The following LAMA1 variants were observed in gnomAD, a reference collection of about 807,000 sequenced individuals.
LAMA1 encodes the protein laminin subunit alpha-1.
Under a neutral mutation model 348.7 loss-of-function variants are expected in LAMA1, and 219 were observed. That is an observed-to-expected ratio of 0.63 (90% CI 0.56 to 0.70). LAMA1 has a LOEUF of 0.70. Ranked by LOEUF, LAMA1 falls within the 30% of genes least tolerant of loss-of-function variation. The pLI, the probability that LAMA1 is intolerant of heterozygous loss-of-function variation, is 0.00. For synonymous variants in LAMA1, 1,487 were observed against 1,491.0 expected (o/e 1.00, Z 0.06); for missense variants, 3,744 against 3,888.0 (o/e 0.96, Z 0.99).
chr18:7,001,635 C>T (rs1157211547), intron 30 of LAMA1, among the ~76,000 whole-genome samples: 3 of 152,110 alleles, frequency 2.0e-5, no homozygotes, highest in African/African-American at 4.8e-5. Context: ...AACATTTGAT[C>T]TTTGTATGTT....
intron 34 of LAMA1, among the ~76,000 whole-genome samples, chr18:6,994,754 T>A (rs1273537277): frequency 1.3e-5 from 2 of 152,032 alleles, no homozygotes; most frequent in East Asian, 1.9e-4. Flanking sequence ...TTCCTCACCA[T>A]CTGCAGAAGG....
chr18:7,039,748 G>C (rs975670587), intron 10 of LAMA1, among the ~76,000 whole-genome samples: 14 of 152,036 alleles, frequency 9.2e-5, no homozygotes, highest in African/African-American at 3.1e-4. Context: ...ACCAAGTCCT[G>C]GTTTAAAGAA....
chr18:7,095,120 CT>C (rs1383693028), intron 1 of LAMA1, among the ~76,000 whole-genome samples: 1 of 34,682 alleles, frequency 2.9e-5, no homozygotes, highest in Non-Finnish European at 5.4e-5. Flanking sequence ...GCCTCAGGAC[CT>C]TTCTCTCTCT....
chr18:7,060,881 G>T (rs2058099636), intron 3 of LAMA1, among the ~76,000 whole-genome samples: 1 of 152,142 alleles, frequency 6.6e-6, no homozygotes, highest in African/African-American at 2.4e-5. Context: ...GCAGGCTGGG[G>T]GTGGTGGCTC....
chr18:6,968,300 C>T (rs1026276495), intron 48 of LAMA1, among the ~76,000 whole-genome samples: 1 of 152,170 alleles, frequency 6.6e-6, no homozygotes, highest in African/African-American at 2.4e-5. Flanking sequence ...CCGAGGGCTC[C>T]CTCATGAGAT....
At chr18:6,976,784 T>A (rs1005399907) in intron 44 of LAMA1, among the ~76,000 whole-genome samples, 6 of 151,932 alleles carry the variant, frequency 3.9e-5, no homozygotes, top group Admixed American at 2.0e-4. Context: ...TATTATTATT[T>A]TTTTTAGTAG....
At chr18:7,061,827 T>C (rs1417447910) in intron 3 of LAMA1, among the ~76,000 whole-genome samples, 1 of 152,176 alleles carries the variant, frequency 6.6e-6, no homozygotes, top group Non-Finnish European at 1.5e-5. Context: ...TGGGTGCTTG[T>C]GGACCCACCC....
chr18:7,079,160 A>G (rs1458467162), intron 3 of LAMA1, among the ~76,000 whole-genome samples: 2 of 152,212 alleles, frequency 1.3e-5, no homozygotes, highest in Non-Finnish European at 2.9e-5. Flanking sequence ...CATGAAACTT[A>G]TGAGTTCTAA....
At chr18:7,065,158 G>A (rs746123411) in intron 3 of LAMA1, among the ~76,000 whole-genome samples, 2 of 149,540 alleles carry the variant, frequency 1.3e-5, no homozygotes, top group African/African-American at 5.0e-5. Context: ...ACTTGAACTC[G>A]AGAGGCGGAG....
rs186080694 is a variant in LAMA1, at chr18:7,068,434, G to A, written c.345+11541C>T. The stretch of plus-strand genomic sequence containing the variant: ...TGTCTTGTTCATCGATGAATCCTGA[G>A]ATCCCAGTATGCACAAGACAGAGAT... On this transcript the variant is annotated intron_variant, in intron 3 of 62. Coordinates refer to ENST00000389658, the MANE Select transcript of LAMA1 (RefSeq NM_005559.4). Among the ~76,000 whole-genome samples, 14 of 152,302 alleles carry A rather than the reference G, an allele frequency of 9.2e-5. No homozygotes were observed. The East Asian group carries it at 1.5e-3, about 17-fold the overall frequency.
chr18:6,947,381 G>A, intron 60 of LAMA1, 85 bp from the exon 61 acceptor site: 2 of 1,546,614 alleles, frequency 1.3e-6, no homozygotes, highest in Non-Finnish European at 1.8e-6. Context: ...GGGGTTGGGG[G>A]ACCTGGCTCT....
Position 6,950,810 on chromosome 18 carries a change from G to A in LAMA1, c.8369C>T (p.Ala2790Val). Residue 2790 changes from alanine to valine, a missense_variant, in exon 58 of 63, where the codon GCA becomes GTA. Transcript: ENST00000389658. ...GKGRTKVSHPALLSDGKWHTV... is the reference protein window; with the variant it reads ...GKGRTKVSHPVLLSDGKWHTV... ...GTGCCACTTGCCATCACTGAGCAGT[G>A]CAGGGTGAGAGACCTTTGTTCTGCC... 2.5e-6 allele frequency: 4 copies of A among 1,614,124 alleles called. No homozygotes were observed. The highest frequency in any genetic ancestry group is 3.4e-6 in the Non-Finnish European group (4 of 1,179,994).
intron 1 of LAMA1, among the ~76,000 whole-genome samples, chr18:7,117,327 C>T (rs1402803277): frequency 6.6e-6 from 1 of 151,980 alleles, no homozygotes; most frequent in Non-Finnish European, 1.5e-5. Context: ...CCGGGCGCCC[C>T]GCTCCCGCCA....
intron 3 of LAMA1, among the ~76,000 whole-genome samples, chr18:7,070,914 A>C (rs1365974826): frequency 1.3e-5 from 2 of 151,942 alleles, no homozygotes; most frequent in Non-Finnish European, 2.9e-5. Context: ...CAAAAAAAAA[A>C]AAAAAAACAC....
intron 23 of LAMA1, among the ~76,000 whole-genome samples, chr18:7,012,419 C>T (rs985269235): frequency 2.0e-5 from 3 of 151,440 alleles, no homozygotes; most frequent in South Asian, 2.1e-4. Flanking sequence ...GAAGCCGCCT[C>T]GAGTCTCCAG....
Position 7,112,165 on chromosome 18 carries a change from T to G in LAMA1, c.61+5495A>C, listed in dbSNP as rs75624376. Among the ~76,000 whole-genome samples, 1,355 of 152,254 alleles carry G rather than the reference T, an allele frequency of 8.9e-3. 10 individuals are homozygous for G. Among genetic ancestry groups the G allele is most frequent in the Admixed American group, 0.02 (312 of 15,288 alleles). Reference sequence around the variant, plus strand: ...GTACAATGCCATGAAATCAATCAAGTTTTTAAACCCCAAAAGATCTAGGAA... The same window carrying G: ...GTACAATGCCATGAAATCAATCAAGGTTTTAAACCCCAAAAGATCTAGGAA... On this transcript the variant is annotated intron_variant, in intron 1 of 62. Transcript: ENST00000389658.
chr18:7,102,761 T>A (rs925844398), intron 1 of LAMA1, among the ~76,000 whole-genome samples: 1 of 152,182 alleles, frequency 6.6e-6, no homozygotes, highest in Non-Finnish European at 1.5e-5. Context: ...TGGCACTTTC[T>A]AGATACTCAA....
chr18:7,032,785 C>T (rs1252615780), intron 15 of LAMA1, among the ~76,000 whole-genome samples, 199 bp downstream of exon 15: 2 of 152,186 alleles, frequency 1.3e-5, no homozygotes, highest in Non-Finnish European at 2.9e-5. Context: ...TTGTCCGGTG[C>T]TCCAGCCCAT....
intron 3 of LAMA1, among the ~76,000 whole-genome samples, chr18:7,063,186 T>C (rs1378314309): frequency 2.0e-5 from 3 of 152,224 alleles, no homozygotes; most frequent in African/African-American, 7.2e-5. Context: ...GAAAGTATTG[T>C]TTCTTGTGAG....
Sources: allele counts gnomAD v4.1 joint callset (sites outside exome capture counted in the v4.1 genomes callset), GRCh38; gene constraint gnomAD v4.1.1; transcripts MANE v1.5; gene names NCBI Gene and HGNC (gene_info 2026-07-23, HGNC 2026-07-21).